The following SMARCAL1 variants were observed in gnomAD, a reference collection of about 807,000 sequenced individuals.
The protein encoded by SMARCAL1 is SNF2 related chromatin remodeling annealing helicase 1, also known as ATP-driven annealing helicase.
SMARCAL1 carries 58 observed loss-of-function variants against 94.5 expected under a neutral mutation model. That is an observed-to-expected ratio of 0.61 (90% confidence interval 0.50 to 0.76). SMARCAL1 has a LOEUF of 0.76. Ranked by LOEUF, SMARCAL1 falls within the 30% of genes least tolerant of loss-of-function variation. The pLI is 0.00. For synonymous variants in SMARCAL1, 422 were observed against 455.1 expected, an observed-to-expected ratio of 0.93 and a Z score of 0.93; for missense variants, 1,051 against 1,177.9, an observed-to-expected ratio of 0.89 and a Z score of 1.58.
intron 4 of SMARCAL1, among the ~76,000 whole-genome samples, chr2:216,417,937 T>C (rs984969486): frequency 1.3e-5 from 2 of 152,200 alleles, no homozygotes; most frequent in African/African-American, 4.8e-5. Flanking sequence ...TACTTTTTTT[T>C]TGAGACAGAG....
At chr2:216,428,844 T>C in intron 7 of SMARCAL1, 62 bp downstream of exon 7, 1 of 1,377,924 alleles carries the variant, frequency 7.3e-7, no homozygotes, top group Non-Finnish European at 1.0e-6. Context: ...CACCACAGAC[T>C]GCATTCAGAT....
rs909294272 is a variant in SMARCAL1, at chr2:216,420,418, C to T, written c.982C>T (p.Leu328Phe). 103 of 1,614,080 alleles carry T rather than the reference C, an allele frequency of 6.4e-5. No individual in the cohort carries two copies. The highest frequency in any genetic ancestry group is 8.6e-5 in the Non-Finnish European group (102 of 1,180,038). ...GQAGLPSAPSLSFVKGRCMLI... is the reference protein window; with the variant it reads ...GQAGLPSAPSFSFVKGRCMLI... ...GGCCGGCCTTCCATCAGCTCCATCCCTTTCATTTGTCAAAGGGCGATGCAT... is the reference window on the plus strand; with the variant it reads ...GGCCGGCCTTCCATCAGCTCCATCCTTTTCATTTGTCAAAGGGCGATGCAT... The change falls in exon 5 of 18, where the codon CTT becomes TTT. Residue 328 changes from leucine to phenylalanine, a missense_variant. By Grantham distance (22) the Leu-to-Phe change is conservative. Coordinates refer to ENST00000357276, the MANE Select transcript of SMARCAL1 (RefSeq NM_014140.4).
Position 216,462,829 on chromosome 2 carries a change from T to TA in SMARCAL1, c.2071-1753dup, listed in dbSNP as rs146065376. On this transcript the variant is annotated intron_variant, in intron 12 of 17. Transcript: ENST00000357276. The stretch of plus-strand genomic sequence containing the variant: ...AGTGAGATCCTGTCTCTACAAAAAA[T>TA]AAAAAAAAAAAAAAAGCTGGTGTGG... 1.3e-3 allele frequency among the ~76,000 whole-genome samples: 194 copies of TA among 144,016 alleles called. 1 individual carries two copies. The highest frequency in any genetic ancestry group is 2.1e-3 in the Non-Finnish European group (139 of 64,686). 94.5% of individuals were successfully genotyped at this position (144,016 alleles called of 152,430 possible). A position where few individuals can be genotyped will look rare whatever the true frequency, so the allele number is the denominator to read the frequency against.
intron 4 of SMARCAL1, among the ~76,000 whole-genome samples, chr2:216,419,544 G>A (rs1693668695): frequency 6.6e-6 from 1 of 151,262 alleles, no homozygotes; most frequent in Admixed American, 6.6e-5. Flanking sequence ...GGTGATCCTG[G>A]TCCTCACTCC....
Position 216,447,147 on chromosome 2 carries a change from G to C in SMARCAL1, c.1840G>C (p.Asp614His). The change falls in exon 11 of 18, where the codon GAT (aspartate) becomes CAT (histidine). Residue 614 changes from aspartate (D) to histidine (H), a missense_variant. Transcript: ENST00000357276. Reference protein sequence around the residue: ...QFHAFGLRYCDAKRMPWGWDY... With the variant: ...QFHAFGLRYCHAKRMPWGWDY... ...TCATGCCTTTGGACTTCGCTACTGT[G>C]ATGCCAAACGGGTATGTATTATCTC... 1 of 1,614,008 alleles carries C rather than the reference G, an allele frequency of 6.2e-7. No homozygotes were observed. The highest frequency in any genetic ancestry group is 8.5e-7 in the Non-Finnish European group (1 of 1,180,014).
In SMARCAL1 at chr2:216,447,015, T is replaced by C. The variant is rs1330060400; in HGVS notation, c.1711-3T>C. The C allele has an allele frequency of 6.2e-7, 1 of 1,614,000 alleles. No individual in the cohort carries two copies. Among genetic ancestry groups the C allele is most frequent in the East Asian group, 2.2e-5 (1 of 44,838 alleles). ...AGAGCACCTTTGGCTGTTTGTCTTT[T>C]AGGTTGCCAAGAGGGTGATCCTGTT... is the stretch of plus-strand genomic sequence containing the variant. On this transcript the variant is annotated splice_region_variant and splice_polypyrimidine_tract_variant and intron_variant, in intron 10 of 17. Transcript: ENST00000357276.
At chr2:216,419,801 G>A (rs916982558) in intron 4 of SMARCAL1, among the ~76,000 whole-genome samples, 1 of 152,068 alleles carries the variant, frequency 6.6e-6, no homozygotes, top group Non-Finnish European at 1.5e-5. Flanking sequence ...AGGCTAAGGT[G>A]CGTAGATGGT....
rs891837551 is a variant in SMARCAL1, at chr2:216,435,324, C to A, written c.1486-14C>A. 1 of 1,614,026 alleles carries A rather than the reference C, an allele frequency of 6.2e-7. No homozygotes were observed. ...GGTGGTCATTGTAGCTTTGTTCCCT[C>A]CTGTCATCCACAGGCCTTCCTTCGG... On this transcript the variant is annotated splice_polypyrimidine_tract_variant and intron_variant, in intron 8 of 17. Transcript: ENST00000357276.
At chr2:216,423,092 A>T (rs1196741563) in intron 5 of SMARCAL1, among the ~76,000 whole-genome samples, 1 of 152,164 alleles carries the variant, frequency 6.6e-6, no homozygotes, top group Non-Finnish European at 1.5e-5. Context: ...ACTGAGGGAG[A>T]GGTGTTACAG....
rs768868466 is a variant in SMARCAL1 at position 216,450,987 on chromosome 2, G to T, written c.1993G>T (p.Ala665Ser). The change falls in exon 12 of 18, where the codon GCC becomes TCC. Residue 665 changes from alanine (A) to serine (S), a missense_variant. By Grantham distance (99) the Ala-to-Ser change is moderately conservative. Around this residue, in one of 3 missense-constraint regions of SMARCAL1, gnomAD observed 642 missense variants for 754.7 expected, o/e 0.85. Coordinates refer to ENST00000357276, the MANE Select transcript of SMARCAL1 (RefSeq NM_014140.4). ...CAAGCAGCGCAAGATAGTGGTGATT[G>T]CCCCAGGACGGATCAATGCCAGGAC... ...PAKQRKIVVI[A>S]PGRINARTRA... 9 of 1,614,192 alleles carry T rather than the reference G, an allele frequency of 5.6e-6. No homozygotes were observed. The East Asian group carries it at 1.3e-4, about 24-fold the overall frequency.
At chr2:216,446,997 C>A in intron 10 of SMARCAL1, 21 bp from the exon 11 acceptor site, 1 of 1,613,938 alleles carries the variant, frequency 6.2e-7, no homozygotes, top group Non-Finnish European at 8.5e-7. Context: ...TTCAGAGCAC[C>A]TTTGGCTGTT....
intron 12 of SMARCAL1, among the ~76,000 whole-genome samples, chr2:216,461,690 C>T (rs1377460420): frequency 6.6e-6 from 1 of 151,948 alleles, no homozygotes; most frequent in Non-Finnish European, 1.5e-5. Flanking sequence ...ATTAGCTGGG[C>T]GTGGTAGTGT....
chr2:216,473,493 G>T, intron 14 of SMARCAL1, among the ~76,000 whole-genome samples: 1 of 151,476 alleles, frequency 6.6e-6, no homozygotes, highest in African/African-American at 2.4e-5. Context: ...ATCCTTTTAG[G>T]AAAAATTTGA....
At chr2:216,460,435 C>G (rs1694668901) in intron 12 of SMARCAL1, among the ~76,000 whole-genome samples, 2 of 151,978 alleles carry the variant, frequency 1.3e-5, no homozygotes, top group Admixed American at 1.3e-4. Context: ...TGGAACCAAC[C>G]CAAATGTCCA....
chr2:216,465,477 G>GT (rs201531302), intron 13 of SMARCAL1, among the ~76,000 whole-genome samples: 12,275 of 152,250 alleles, frequency 0.081, 1,213 homozygotes, highest in African/African-American at 0.23. Flanking sequence ...AAAGACAAAT[G>GT]TCAAAGTTTG....
At chr2:216,470,400 C>T (rs1052468850) in intron 14 of SMARCAL1, among the ~76,000 whole-genome samples, 7 of 152,070 alleles carry the variant, frequency 4.6e-5, no homozygotes, top group African/African-American at 1.4e-4. Flanking sequence ...AGTGATCCAC[C>T]TGCTTCAGCC....
intron 10 of SMARCAL1, among the ~76,000 whole-genome samples, chr2:216,446,056 G>A (rs1694307533): frequency 6.6e-6 from 1 of 152,072 alleles, no homozygotes; most frequent in Non-Finnish European, 1.5e-5. Flanking sequence ...CAGAGCTGAA[G>A]TGAATTTTAC....
At chr2:216,443,366 C>CAAAAA (rs34568945) in intron 10 of SMARCAL1, among the ~76,000 whole-genome samples, 3 of 81,026 alleles carry the variant, frequency 3.7e-5, no homozygotes, top group African/African-American at 9.7e-5. Context: ...CACTCTGTCT[C>CAAAAA]AAAAAAAAAA....
At chr2:216,461,593 C>T (rs949728104) in intron 12 of SMARCAL1, among the ~76,000 whole-genome samples, 1 of 151,940 alleles carries the variant, frequency 6.6e-6, no homozygotes, top group African/African-American at 2.4e-5. Flanking sequence ...TTTGGGAGGC[C>T]AAGGCAGGAG....
Sources: allele counts gnomAD v4.1 joint callset (sites outside exome capture counted in the v4.1 genomes callset), GRCh38; gene constraint gnomAD v4.1.1; regional missense constraint gnomAD v4.1.1; transcripts MANE v1.5; gene names NCBI Gene and HGNC (gene_info 2026-07-23, HGNC 2026-07-21).